Variants in CD99L2 observed in about 807,000 individuals in gnomAD.
CD99L2 encodes CD99 molecule like 2.
A neutral mutation model predicts 27.3 loss-of-function variants in CD99L2; 24 were observed. The observed-to-expected ratio is 0.88, with a 90% CI of 0.64 to 1.24. CD99L2 has a LOEUF of 1.24. CD99L2 is among the 50% of genes most tolerant of loss of function. The pLI, the probability that CD99L2 is intolerant of heterozygous loss-of-function variation, is 0.00. For synonymous variants in CD99L2, 97 were observed against 87.9 expected (o/e 1.10, Z -0.58); for missense variants, 255 against 221.6 (o/e 1.15, Z -0.96).
intron 9 of CD99L2, among the ~76,000 whole-genome samples, 177 bp from the exon 10 acceptor site, chrX:150,770,546 G>A (rs145489319): frequency 6.2e-5 from 7 of 112,524 alleles, no homozygotes; most frequent in East Asian, 2.8e-4. Flanking sequence ...AAGACTGTTC[G>A]TCCCAGAATT....
chrX:150,768,203 C>T lies in CD99L2; in HGVS notation c.*831G>A, dbSNP rs1429857736. 5.4e-5 allele frequency: 6 copies of T among 111,814 alleles called. No homozygotes were observed. The highest frequency in any genetic ancestry group is 2.0e-4 in the African/African-American group (6 of 30,669). 9.2% of individuals were successfully genotyped at this position (111,814 alleles called of 1,213,427 possible). On this transcript the variant is annotated 3_prime_UTR_variant, in exon 11 of 11. Transcript: ENST00000370377. Reference sequence around the variant, plus strand: ...AGGGACACAGGGTGGAGGGTGAGCACCTCTCCCCAACACAGGATAAAACTC... The same window carrying T: ...AGGGACACAGGGTGGAGGGTGAGCATCTCTCCCCAACACAGGATAAAACTC...
intron 1 of CD99L2, among the ~76,000 whole-genome samples, chrX:150,896,862 C>T (rs1375821704): frequency 8.9e-6 from 1 of 112,294 alleles, no homozygotes; most frequent in Admixed American, 9.4e-5. Context: ...AGGCAAGTTA[C>T]TTCACCTCTC....
chrX:150,777,190 C>G (rs2043571544), intron 8 of CD99L2: 1 of 411,441 alleles, frequency 2.4e-6, no homozygotes, highest in Admixed American at 4.4e-5. Context: ...GTTTGTATTG[C>G]CAGGGTGAAA....
At chrX:150,778,516 C>T (rs2045447334) in intron 7 of CD99L2, among the ~76,000 whole-genome samples, 1 of 106,849 alleles carries the variant, frequency 9.4e-6, no homozygotes, top group African/African-American at 3.4e-5. Flanking sequence ...GTGGGGGAAA[C>T]ATGAGAACTC....
At chrX:150,838,678 TAAAA>T (rs5904288) in intron 1 of CD99L2, among the ~76,000 whole-genome samples, 8 of 86,227 alleles carry the variant, frequency 9.3e-5, no homozygotes, top group Admixed American at 1.3e-4. Flanking sequence ...CACCAGAGGT[TAAAA>T]AAAAAAAAAA....
chrX:150,823,077 C>T (rs782029243), intron 2 of CD99L2, among the ~76,000 whole-genome samples: 10 of 112,137 alleles, frequency 8.9e-5, no homozygotes, highest in African/African-American at 3.2e-4. Flanking sequence ...ATGTTTGCTT[C>T]TCCTTCGACC....
intron 1 of CD99L2, among the ~76,000 whole-genome samples, chrX:150,861,249 T>C (rs2046973247): frequency 9.4e-6 from 1 of 106,079 alleles, no homozygotes; most frequent in South Asian, 4.1e-4. Flanking sequence ...TTCACAGAAA[T>C]AGAAAAAACA....
chrX:150,797,825 G>C (rs1256898624), intron 4 of CD99L2, among the ~76,000 whole-genome samples: 1 of 109,632 alleles, frequency 9.1e-6, no homozygotes, highest in Non-Finnish European at 1.9e-5. Context: ...CAGGTGGACT[G>C]CTTGAGCCCA....
intron 1 of CD99L2, among the ~76,000 whole-genome samples, chrX:150,896,026 CAAA>C: frequency 2.6e-5 from 1 of 38,522 alleles, no homozygotes; most frequent in Admixed American, 3.4e-4. Flanking sequence ...ACTCTGTTTC[CAAA>C]AAAAAAAAAA....
chrX:150,832,470 C>T (rs2046458512), intron 1 of CD99L2, among the ~76,000 whole-genome samples: 1 of 111,500 alleles, frequency 9.0e-6, no homozygotes, highest in African/African-American at 3.3e-5. Context: ...TCAAAAACTA[C>T]AAAAATTAGC....
chrX:150,783,387 TAGTC>T (rs1369006891), intron 7 of CD99L2, among the ~76,000 whole-genome samples: 1 of 111,492 alleles, frequency 9.0e-6, no homozygotes, highest in Non-Finnish European at 1.9e-5. Context: ...CAACTGATCA[TAGTC>T]AGTACCGTCC....
intron 1 of CD99L2, among the ~76,000 whole-genome samples, chrX:150,874,493 G>C (rs782400296): frequency 9.4e-6 from 1 of 106,720 alleles, no homozygotes; most frequent in South Asian, 4.4e-4. Context: ...GGAGTAAGAG[G>C]GTTCTGAGAT....
At chrX:150,886,402 T>A (rs1169088220) in intron 1 of CD99L2, among the ~76,000 whole-genome samples, 1 of 112,358 alleles carries the variant, frequency 8.9e-6, no homozygotes, top group Non-Finnish European at 1.9e-5. Context: ...ACCTTTTCTA[T>A]GTTTAGATGC....
At chrX:150,874,627 G>A (rs1276362674) in intron 1 of CD99L2, among the ~76,000 whole-genome samples, 4 of 111,714 alleles carry the variant, frequency 3.6e-5, no homozygotes, top group African/African-American at 1.3e-4. Context: ...GCCACACCCA[G>A]GTTTGCACCT....
chrX:150,772,002 C>T (rs782250031), intron 9 of CD99L2, among the ~76,000 whole-genome samples: 14 of 112,322 alleles, frequency 1.2e-4, no homozygotes, highest in African/African-American at 1.6e-4. Flanking sequence ...AGGCCTTCCT[C>T]GCAGCCACCT....
intron 1 of CD99L2, among the ~76,000 whole-genome samples, chrX:150,858,510 C>G (rs1196689893): frequency 1.8e-5 from 2 of 112,337 alleles, no homozygotes; most frequent in Admixed American, 1.9e-4. Flanking sequence ...TCTTCTCAGA[C>G]CACAATGGAA....
chrX:150,811,540 C>T (rs1165533253), intron 4 of CD99L2, among the ~76,000 whole-genome samples: 1 of 111,296 alleles, frequency 9.0e-6, no homozygotes, highest in East Asian at 2.8e-4. Flanking sequence ...GACAACACTA[C>T]CTAAATAATC....
intron 1 of CD99L2, among the ~76,000 whole-genome samples, chrX:150,846,393 G>A (rs972485815): frequency 1.8e-5 from 2 of 110,778 alleles, no homozygotes; most frequent in African/African-American, 6.6e-5. Flanking sequence ...GCAGACACCA[G>A]CTCTGCCACT....
intron 1 of CD99L2, among the ~76,000 whole-genome samples, chrX:150,837,272 G>A (rs1381435896): frequency 4.3e-4 from 47 of 108,603 alleles, no homozygotes; most frequent in Non-Finnish European, 6.9e-4. Context: ...TTTTTGAGAC[G>A]GAGCTTTGTT....
Sources: gnomAD v4.1 joint callset for allele counts (sites outside exome capture counted in the v4.1 genomes callset) on GRCh38, gnomAD v4.1.1 for gene constraint, MANE v1.5 for transcripts, NCBI Gene and HGNC (gene_info 2026-07-23, HGNC 2026-07-21) for gene names.